The following NPSR1 variants were observed in gnomAD, a reference collection of about 807,000 sequenced individuals.
The protein encoded by NPSR1 is neuropeptide S receptor.
Under a neutral mutation model 46.9 loss-of-function variants are expected in NPSR1, and 48 were observed. The observed-to-expected ratio is 1.02, with a 90% confidence interval of 0.81 to 1.30. The LOEUF is 1.30. NPSR1 is among the 50% of genes most tolerant of loss of function. The pLI, the probability that NPSR1 is intolerant of heterozygous loss-of-function variation, is 0.00. For missense variants in NPSR1, 450 were observed against 449.5 expected, an observed-to-expected ratio of 1.00 and a Z score of -0.01; for synonymous variants, 176 against 168.1, an observed-to-expected ratio of 1.05 and a Z score of -0.36.
At chr7:34,809,460 ATTTT>A (rs1157591101) in intron 3 of NPSR1, among the ~76,000 whole-genome samples, 2 of 110,824 alleles carry the variant, frequency 1.8e-5, no homozygotes, top group Admixed American at 9.5e-5. Context: ...TCACCCAGGT[ATTTT>A]TTTTTTTTTT....
chr7:34,744,983 A>T (rs1431238896), intron 2 of NPSR1, among the ~76,000 whole-genome samples: 1 of 152,236 alleles, frequency 6.6e-6, no homozygotes, highest in Non-Finnish European at 1.5e-5. Flanking sequence ...CTTACATTGT[A>T]TTAGGAATTA....
At chr7:34,701,167 T>C (rs1793809781) in intron 2 of NPSR1, among the ~76,000 whole-genome samples, 1 of 152,188 alleles carries the variant, frequency 6.6e-6, no homozygotes, top group Non-Finnish European at 1.5e-5. Flanking sequence ...TGCTTTCATA[T>C]ATTGATTATT....
At chr7:34,752,531 A>G (rs1217530562) in intron 2 of NPSR1, among the ~76,000 whole-genome samples, 1 of 152,188 alleles carries the variant, frequency 6.6e-6, no homozygotes, top group Non-Finnish European at 1.5e-5. Flanking sequence ...GCCTTCGTAC[A>G]GGGGCACTGG....
chr7:34,752,895 G>A lies in NPSR1; in HGVS notation c.281-25567G>A, dbSNP rs546947524. Reference sequence around the variant, plus strand: ...GCACTCTGTGAAGCCTGCCTAGTCCGCTTGCTTCCTTCCCAGAAGATTTTG... The same window carrying A: ...GCACTCTGTGAAGCCTGCCTAGTCCACTTGCTTCCTTCCCAGAAGATTTTG... On this transcript the variant is annotated intron_variant, in intron 2 of 8. Transcript: ENST00000360581. Among the ~76,000 whole-genome samples the A allele has an allele frequency of 9.2e-5, 14 of 152,242 alleles. No individual in the cohort carries two copies. The East Asian group carries it at 1.2e-3, about 13-fold the overall frequency.
At chr7:34,684,346 A>C (rs1419836) in intron 1 of NPSR1, among the ~76,000 whole-genome samples, 20,248 of 152,240 alleles carry the variant, frequency 0.13, 1,446 homozygotes, top group African/African-American at 0.18. Context: ...CTTGACGTAT[A>C]TTTCCAAAAG....
chr7:34,672,608 C>G (rs1792115819), intron 1 of NPSR1, among the ~76,000 whole-genome samples: 1 of 152,158 alleles, frequency 6.6e-6, no homozygotes, highest in Non-Finnish European at 1.5e-5. Context: ...TCTTTCTGGT[C>G]AGAGTAGAAA....
chr7:34,877,870 G>T (rs1791614265), intron 8 of NPSR1, among the ~76,000 whole-genome samples: 1 of 152,212 alleles, frequency 6.6e-6, no homozygotes, highest in African/African-American at 2.4e-5. Flanking sequence ...CCTTAGGGAA[G>T]AGTTGGAGAA....
chr7:34,815,316 G>A (rs1464407815), intron 4 of NPSR1, among the ~76,000 whole-genome samples: 1 of 152,152 alleles, frequency 6.6e-6, no homozygotes, highest in Non-Finnish European at 1.5e-5. Context: ...GGAAGAAAGG[G>A]TGTCAGTGAT....
chr7:34,818,853 C>A (rs1055344317), intron 4 of NPSR1, among the ~76,000 whole-genome samples: 12 of 152,052 alleles, frequency 7.9e-5, no homozygotes, highest in Admixed American at 3.3e-4. Context: ...TGCTGGGAAA[C>A]CTGGCTAGCC....
chr7:34,672,598 T>C (rs1792115341), intron 1 of NPSR1, among the ~76,000 whole-genome samples: 1 of 152,210 alleles, frequency 6.6e-6, no homozygotes, highest in Non-Finnish European at 1.5e-5. Flanking sequence ...AATGACTATG[T>C]CTTTCTGGTC....
intron 3 of NPSR1, among the ~76,000 whole-genome samples, chr7:34,805,874 G>T (rs1284194520): frequency 2.0e-5 from 3 of 151,832 alleles, no homozygotes; most frequent in Non-Finnish European, 2.9e-5. Flanking sequence ...ACGGCCAAAA[G>T]ATCTGAATAA....
intron 2 of NPSR1, among the ~76,000 whole-genome samples, chr7:34,736,452 A>G (rs904485470): frequency 2.0e-5 from 3 of 151,914 alleles, no homozygotes; most frequent in Non-Finnish European, 4.4e-5. Context: ...GCCTCTTTTC[A>G]TGATATTACT....
rs1162825872 is a variant in NPSR1, at chr7:34,792,691, A to ATATATATATTTT, written c.384+14134_384+14135insTTTTTATATATA. ...TATATATATGTATATATATATATGT[A>ATATATATATTTT]TATATATACGTATATATATATATTT... On this transcript the variant is annotated intron_variant, in intron 3 of 8. Transcript: ENST00000360581. Among the ~76,000 whole-genome samples the ATATATATATTTT allele has an allele frequency of 1.6e-3, 151 of 95,540 alleles. 3 individuals carry two copies. Among genetic ancestry groups the ATATATATATTTT allele is most frequent in the Non-Finnish European group, 2.6e-3 (115 of 43,840 alleles). 62.7% of individuals were successfully genotyped at this position (95,540 alleles called of 152,430 possible).
At chr7:34,850,779 G>C (rs1421805862), downstream of NPSR1, among the ~76,000 whole-genome samples, 1 of 152,160 alleles carries the variant, frequency 6.6e-6, no homozygotes, top group Non-Finnish European at 1.5e-5. Context: ...ACACCTCAAG[G>C]ACAAGTCTTC....
intron 3 of NPSR1, chr7:34,779,756 G>T (rs1474621756): frequency 3.2e-6 from 1 of 313,232 alleles, no homozygotes; most frequent in Non-Finnish European, 6.0e-6. Context: ...GCTTTCAATT[G>T]CTTATTATAT....
intron 8 of NPSR1, among the ~76,000 whole-genome samples, chr7:34,859,765 T>G (rs1441839906): frequency 6.6e-6 from 1 of 151,794 alleles, no homozygotes; most frequent in Non-Finnish European, 1.5e-5. Flanking sequence ...GATTCTGACT[T>G]ACTGGGTTCT....
chr7:34,679,584 A>T (rs548928259), intron 1 of NPSR1, among the ~76,000 whole-genome samples: 1 of 152,216 alleles, frequency 6.6e-6, no homozygotes, highest in South Asian at 2.1e-4. Context: ...TTTTCTTATC[A>T]ATGGCATAAT....
At chr7:34,826,316 A>T (rs1789835713) in intron 4 of NPSR1, among the ~76,000 whole-genome samples, 1 of 152,186 alleles carries the variant, frequency 6.6e-6, no homozygotes, top group Non-Finnish European at 1.5e-5. Context: ...CCTAGATATT[A>T]TTCTCCTAAA....
At chr7:34,790,964 A>ATATG (rs1319223265) in intron 3 of NPSR1, among the ~76,000 whole-genome samples, 1 of 94,780 alleles carries the variant, frequency 1.1e-5, no homozygotes, top group Non-Finnish European at 2.3e-5. Context: ...TATATGTTAT[A>ATATG]TTATATATGT....
Sources: allele counts gnomAD v4.1 joint callset (sites outside exome capture counted in the v4.1 genomes callset), GRCh38; gene constraint gnomAD v4.1.1; transcripts MANE v1.5; gene names NCBI Gene and HGNC (gene_info 2026-07-23, HGNC 2026-07-21).